VRK1: variants seen among roughly 807,000 people sequenced by gnomAD.
VRK1 encodes VRK serine/threonine kinase 1.
A neutral mutation model predicts 57.1 loss-of-function variants in VRK1; 33 were observed. The observed-to-expected ratio is 0.58, with a 90% CI of 0.44 to 0.77. The LOEUF is 0.77. Ranked by LOEUF, VRK1 falls within the 30% of genes least tolerant of loss-of-function variation. The pLI, the probability that VRK1 is intolerant of heterozygous loss-of-function variation, is 0.00. For missense variants in VRK1, 413 were observed against 477.3 expected, an observed-to-expected ratio of 0.87 and a Z score of 1.25; for synonymous variants, 137 against 147.8, an observed-to-expected ratio of 0.93 and a Z score of 0.53.
chr14:96,856,006 A>C (rs1719592947), intron 8 of VRK1, 124 bp from the exon 9 acceptor site: 1 of 1,232,466 alleles, frequency 8.1e-7, no homozygotes, highest in African/African-American at 1.5e-5. Context: ...AAATGCAGTC[A>C]AAATTTTATG....
Position 96,856,135 on chromosome 14 carries a change from T to A in VRK1, c.715T>A (p.Ser239Thr), listed in dbSNP as rs1566710055. 5 of 1,613,594 alleles carry A rather than the reference T, an allele frequency of 3.1e-6. No individual in the cohort carries two copies. In the African/African-American group the frequency reaches 6.7e-5, roughly 22 times the overall value. ...TTCTTCTCTTGCATTTGTAGCCCCA[T>A]CAAGACGTGGTGATTTGGAAATACT... Reference protein sequence around the residue: ...SIDAHNGVAPSRRGDLEILGY... With the variant: ...SIDAHNGVAPTRRGDLEILGY... Residue 239 changes from serine (S) to threonine (T), a missense_variant, in exon 9 of 13, where the codon TCA becomes ACA. Coordinates refer to ENST00000216639, the MANE Select transcript of VRK1 (RefSeq NM_003384.3).
intron 1 of VRK1, among the ~76,000 whole-genome samples, chr14:96,818,708 G>C (rs1264405954): frequency 6.6e-6 from 1 of 152,080 alleles, no homozygotes; most frequent in African/African-American, 2.4e-5. Flanking sequence ...ATTCTCCTCT[G>C]AGTGAAACCT....
Position 96,837,816 on chromosome 14 carries a change from T to C in VRK1, c.215T>C (p.Val72Ala). 3 of 1,548,202 alleles carry C rather than the reference T, an allele frequency of 1.9e-6. No individual in the cohort carries two copies. The highest frequency in any genetic ancestry group is 2.6e-6 in the Non-Finnish European group (3 of 1,146,302). Residue 72 changes from valine to alanine, a missense_variant and splice_region_variant, in exon 3 of 13, where the codon GTG (valine) becomes GCG (alanine). Transcript: ENST00000216639. The part of the protein sequence containing the change: ...VGSDAPCVVK[V>A]EPSDNGPLFT... ...AGTGATGCACCTTGTGTTGTAAAAGTGGTAAGAAATATTTTAGCTAATTTG... is the reference window on the plus strand; with the variant it reads ...AGTGATGCACCTTGTGTTGTAAAAGCGGTAAGAAATATTTTAGCTAATTTG...
intron 12 of VRK1, chr14:96,877,478 C>T (rs1271619649): frequency 7.8e-7 from 1 of 1,288,938 alleles, no homozygotes; most frequent in Non-Finnish European, 1.0e-6. Context: ...CTCCTTTCCC[C>T]TGTCTTGTTC....
At chr14:96,856,633 G>A (rs756257016) in intron 10 of VRK1, 47 bp downstream of exon 10, 2 of 1,510,406 alleles carry the variant, frequency 1.3e-6, no homozygotes, top group South Asian at 1.1e-5. Context: ...GTTTTCTGGG[G>A]ATAAAAAGGC....
chr14:96,854,274 A>G (rs530529468), intron 7 of VRK1, among the ~76,000 whole-genome samples: 90 of 152,322 alleles, frequency 5.9e-4, no homozygotes, highest in African/African-American at 2.2e-3. Flanking sequence ...CTGGACTTGT[A>G]CAGTATAATA....
rs139476915 is a variant in VRK1 at position 96,856,555 on chromosome 14, G to T, written c.858G>T (p.Met286Ile). ...IRYRENIASL[M>I]DKCFPEKNKP... is the part of the protein sequence containing the mutation. ...ACAGAGAAAATATTGCAAGTTTGATGGACAAATGTTTTCCTGAGAAAAACA... is the reference window on the plus strand; with the variant it reads ...ACAGAGAAAATATTGCAAGTTTGATTGACAAATGTTTTCCTGAGAAAAACA... Residue 286 changes from methionine (M) to isoleucine (I), a missense_variant, in exon 10 of 13, where the codon ATG (methionine) becomes ATT (isoleucine). Coordinates refer to ENST00000216639, the MANE Select transcript of VRK1 (RefSeq NM_003384.3). The T allele has an allele frequency of 9.7e-4, 1,558 of 1,613,638 alleles. No homozygotes were observed. Among genetic ancestry groups the T allele is most frequent in the South Asian group, 1.7e-3 (158 of 91,040 alleles).
chr14:96,799,455 C>A, intron 1 of VRK1, among the ~76,000 whole-genome samples: 1 of 150,442 alleles, frequency 6.6e-6, no homozygotes, highest in African/African-American at 2.4e-5. Context: ...TAAAAGCATC[C>A]CTAATAAGAT....
chr14:96,830,000 A>G (rs554524383), intron 1 of VRK1, among the ~76,000 whole-genome samples: 1 of 152,276 alleles, frequency 6.6e-6, no homozygotes, highest in South Asian at 2.1e-4. Flanking sequence ...TTAGCTGGGT[A>G]TAAAATCTTT....
chr14:96,835,822 A>G lies in VRK1; in HGVS notation c.161-1940A>G, dbSNP rs147419061. Among the ~76,000 whole-genome samples the G allele has an allele frequency of 8.1e-4, 124 of 152,206 alleles. No individual in the cohort carries two copies. In the East Asian group the frequency reaches 0.022, roughly 27 times the overall value. On this transcript the variant is annotated intron_variant, in intron 2 of 12. Coordinates refer to ENST00000216639, the MANE Select transcript of VRK1 (RefSeq NM_003384.3). ...CCACTGTCCTGGTCAGGTCATTATCATGTCTTGTCTGGACTCTGACTGTAG... is the reference window on the plus strand; with the variant it reads ...CCACTGTCCTGGTCAGGTCATTATCGTGTCTTGTCTGGACTCTGACTGTAG...
Position 96,861,034 on chromosome 14 carries a change from C to T in VRK1, c.1068+299C>T, listed in dbSNP as rs117048612. Reference sequence around the variant, plus strand: ...TTCATAATTTATATGTTCTTTTCTCCCAAGTCACCACTTAGGGTTCATCTT... The same window carrying T: ...TTCATAATTTATATGTTCTTTTCTCTCAAGTCACCACTTAGGGTTCATCTT... On this transcript the variant is annotated intron_variant, in intron 11 of 12. Coordinates refer to ENST00000216639, the MANE Select transcript of VRK1 (RefSeq NM_003384.3). 0.019 allele frequency: 4,172 copies of T among 217,658 alleles called. 64 individuals are homozygous for T. The highest frequency in any genetic ancestry group is 0.025 in the Non-Finnish European group (2,685 of 108,564). 13.5% of individuals were successfully genotyped at this position (217,658 alleles called of 1,614,324 possible). A position where few individuals can be genotyped will look rare whatever the true frequency, so the allele number is the denominator to read the frequency against.
intron 8 of VRK1, 152 bp downstream of exon 8, chr14:96,855,508 A>G (rs1198152712): frequency 5.9e-6 from 7 of 1,181,934 alleles, no homozygotes; most frequent in African/African-American, 1.5e-5. Flanking sequence ...TGAGACTCCT[A>G]CAATTGTATT....
chr14:96,799,381 A>G (rs1885566520), intron 1 of VRK1, among the ~76,000 whole-genome samples: 1 of 152,110 alleles, frequency 6.6e-6, no homozygotes, highest in African/African-American at 2.4e-5. Context: ...TATAAGTGAA[A>G]TGTCCCAGAT....
intron 1 of VRK1, among the ~76,000 whole-genome samples, chr14:96,803,958 T>C (rs1885769082): frequency 6.6e-6 from 1 of 152,236 alleles, no homozygotes; most frequent in African/African-American, 2.4e-5. Flanking sequence ...GTAAATATAT[T>C]CTCTCAGTCT....
chr14:96,862,650 T>TGAGAA (rs1195023680), intron 11 of VRK1, among the ~76,000 whole-genome samples: 2 of 152,076 alleles, frequency 1.3e-5, no homozygotes, highest in African/African-American at 4.8e-5. Flanking sequence ...CTCTGCTGGA[T>TGAGAA]GAGAAGTTGG....
rs1340163417 is a variant in VRK1, at chr14:96,856,581, A to G, written c.884A>G (p.Lys295Arg). The G allele has an allele frequency of 1.2e-6, 2 of 1,613,398 alleles. No homozygotes were observed. Among genetic ancestry groups the G allele is most frequent in the Non-Finnish European group, 1.7e-6 (2 of 1,179,492 alleles). Residue 295 changes from lysine to arginine, a missense_variant, in exon 10 of 13, where the codon AAA becomes AGA. Around this residue, in one of 3 missense-constraint regions of VRK1, gnomAD observed 146 missense variants for 138.2 expected, o/e 1.06. Coordinates refer to ENST00000216639, the MANE Select transcript of VRK1 (RefSeq NM_003384.3). ...GACAAATGTTTTCCTGAGAAAAACA[A>G]ACCAGGTAGGAAATGACTTCTTCAG... ...LMDKCFPEKN[K>R]PGEIAKYMET...
intron 3 of VRK1, among the ~76,000 whole-genome samples, chr14:96,842,293 A>G (rs1463418201): frequency 6.6e-6 from 1 of 152,214 alleles, no homozygotes; most frequent in Non-Finnish European, 1.5e-5. Flanking sequence ...ACAACTTTCT[A>G]ATATTAATAG....
intron 2 of VRK1, among the ~76,000 whole-genome samples, chr14:96,834,989 T>G (rs1336660571): frequency 6.6e-6 from 1 of 152,240 alleles, no homozygotes; most frequent in Admixed American, 6.5e-5. Flanking sequence ...TTTTGTAACC[T>G]TTTGCAAAGT....
chr14:96,861,915 C>T (rs987486560), intron 11 of VRK1, among the ~76,000 whole-genome samples: 1 of 152,136 alleles, frequency 6.6e-6, no homozygotes, highest in Non-Finnish European at 1.5e-5. Flanking sequence ...TCTTTGCATA[C>T]ATGCATAAAC....
Sources: allele counts gnomAD v4.1 joint callset (sites outside exome capture counted in the v4.1 genomes callset), GRCh38; gene constraint gnomAD v4.1.1; regional missense constraint gnomAD v4.1.1; transcripts MANE v1.5; gene names NCBI Gene and HGNC (gene_info 2026-07-23, HGNC 2026-07-21).